Variants in STS observed in about 807,000 individuals in gnomAD.
The protein encoded by STS is steroid sulfatase, also known as steryl-sulfatase.
STS carries 7 observed loss-of-function variants against 26.8 expected under a neutral mutation model. The observed-to-expected ratio is 0.26, with a 90% CI of 0.15 to 0.49. STS has a LOEUF of 0.49. Ranked by LOEUF, STS falls within the 20% of genes least tolerant of loss-of-function variation. STS has a pLI of 0.98. For missense variants in STS, 434 were observed against 465.6 expected, an observed-to-expected ratio of 0.93 and a Z score of 0.63; for synonymous variants, 199 against 189.4, an observed-to-expected ratio of 1.05 and a Z score of -0.42.
intron 8 of STS, among the ~76,000 whole-genome samples, chrX:7,311,922 G>A (rs769246755): frequency 9.0e-6 from 1 of 111,516 alleles, no homozygotes; most frequent in East Asian, 2.8e-4. Context: ...AGCTACTCAG[G>A]AGGCTGAGGT....
intron 1 of STS, among the ~76,000 whole-genome samples, chrX:7,175,256 C>T (rs1488945923): frequency 9.4e-5 from 10 of 106,526 alleles, no homozygotes; most frequent in Non-Finnish European, 1.5e-4. Flanking sequence ...GAGACTAAGG[C>T]AGGAGGATCC....
At chrX:7,177,340 A>G (rs1933591291) in intron 1 of STS, among the ~76,000 whole-genome samples, 1 of 111,243 alleles carries the variant, frequency 9.0e-6, no homozygotes, top group Admixed American at 9.7e-5. Flanking sequence ...AAATAAAATC[A>G]TAGTTATATA....
intron 7 of STS, among the ~76,000 whole-genome samples, chrX:7,302,947 A>G (rs1345074723): frequency 9.0e-6 from 1 of 111,592 alleles, no homozygotes; most frequent in African/African-American, 3.3e-5. Flanking sequence ...CCATGTCTAG[A>G]CCAGTGACAG....
At chrX:7,172,423 T>C (rs1176198354) in intron 1 of STS, among the ~76,000 whole-genome samples, 2 of 110,875 alleles carry the variant, frequency 1.8e-5, no homozygotes, top group African/African-American at 6.5e-5. Flanking sequence ...CCACTTCTAA[T>C]TACAGTCATT....
intron 10 of STS, among the ~76,000 whole-genome samples, chrX:7,335,089 G>A (rs1927950076): frequency 8.9e-6 from 1 of 112,433 alleles, no homozygotes; most frequent in South Asian, 3.7e-4. Context: ...TGTCTTTATA[G>A]CAGCATGGTT....
chrX:7,223,607 G>GT (rs201195205), intron 2 of STS, among the ~76,000 whole-genome samples: 1,508 of 107,529 alleles, frequency 0.014, 35 homozygotes, highest in African/African-American at 0.047. Context: ...ATTTGTTTTT[G>GT]TTTTTTTTTC....
At chrX:7,275,461 A>G (rs1924483542) in intron 6 of STS, among the ~76,000 whole-genome samples, 1 of 111,664 alleles carries the variant, frequency 9.0e-6, no homozygotes, top group Admixed American at 9.5e-5. Context: ...CAAAATTTGT[A>G]TATATATTTG....
intron 1 of STS, among the ~76,000 whole-genome samples, chrX:7,183,650 A>G (rs943845801): frequency 4.5e-5 from 5 of 112,329 alleles, no homozygotes; most frequent in Non-Finnish European, 1.9e-5. Context: ...AGAATAGTCA[A>G]ATGATTCCGA....
At chrX:7,195,068 T>C (rs1933948201) in intron 2 of STS, among the ~76,000 whole-genome samples, 1 of 112,345 alleles carries the variant, frequency 8.9e-6, no homozygotes, top group African/African-American at 3.2e-5. Flanking sequence ...ACTACCATTG[T>C]ATATATGATT....
intron 9 of STS, among the ~76,000 whole-genome samples, chrX:7,332,563 T>A (rs1333849346): frequency 9.0e-6 from 1 of 110,920 alleles, no homozygotes; most frequent in African/African-American, 3.3e-5. Context: ...AAATCCTCTG[T>A]CCCTCGTCTC....
At chrX:7,291,763 A>G (rs779788714) in intron 7 of STS, among the ~76,000 whole-genome samples, 8 of 112,437 alleles carry the variant, frequency 7.1e-5, no homozygotes, top group African/African-American at 2.3e-4. Context: ...GAAAATTGTT[A>G]GTGAAAGAAC....
chrX:7,166,383 T>C (rs1252344786), intron 1 of STS, among the ~76,000 whole-genome samples: 1 of 111,397 alleles, frequency 9.0e-6, no homozygotes, highest in Non-Finnish European at 1.9e-5. Flanking sequence ...CCCATTTTTG[T>C]CGGTGGGAAA....
intron 1 of STS, among the ~76,000 whole-genome samples, chrX:7,150,740 TA>T (rs1253920959): frequency 1.8e-3 from 182 of 100,711 alleles, no homozygotes; most frequent in East Asian, 3.3e-3. Context: ...CCTCTTTGCT[TA>T]AAAAAAAAAA....
intron 10 of STS, among the ~76,000 whole-genome samples, chrX:7,338,952 G>A (rs1263631954): frequency 8.9e-6 from 1 of 111,881 alleles, no homozygotes; most frequent in Admixed American, 9.5e-5. Flanking sequence ...AAAGGAATGT[G>A]TTCCTTTCCG....
At chrX:7,155,922 G>A (rs1203761169) in intron 1 of STS, among the ~76,000 whole-genome samples, 2 of 111,787 alleles carry the variant, frequency 1.8e-5, no homozygotes, top group Non-Finnish European at 3.8e-5. Context: ...GCTGAGGCAG[G>A]TGGAATGCTT....
intron 2 of STS, among the ~76,000 whole-genome samples, chrX:7,204,109 G>A (rs1308667766): frequency 8.9e-6 from 1 of 111,805 alleles, no homozygotes; most frequent in South Asian, 3.7e-4. Context: ...CATTTGTGCT[G>A]ATGTTGCCTT....
intron 2 of STS, among the ~76,000 whole-genome samples, chrX:7,238,489 C>T (rs2147066513): frequency 9.1e-6 from 1 of 110,214 alleles, no homozygotes; most frequent in Non-Finnish European, 1.9e-5. Flanking sequence ...TTGTCCTCCC[C>T]TCCATCTCAT....
rs1371848500 is a variant in STS, at chrX:7,352,292, A to G, written c.*2031A>G. The stretch of plus-strand genomic sequence containing the variant: ...AATGCTGCAGGATTAAATAACTTGA[A>G]GAGCCTTTATAGATTATATGAATGC... On this transcript the variant is annotated 3_prime_UTR_variant, in exon 11 of 11. Coordinates refer to ENST00000674429, the MANE Select transcript of STS (RefSeq NM_001320752.2). The G allele has an allele frequency of 1.8e-5, 2 of 112,682 alleles. No homozygotes were observed. Among genetic ancestry groups the G allele is most frequent in the African/African-American group, 6.4e-5 (2 of 31,076 alleles). The allele number at this position is 112,682 out of a possible 1,213,427, so 9.3% of individuals were successfully genotyped here.
chrX:7,177,481 T>TATA (rs764705770), intron 1 of STS, among the ~76,000 whole-genome samples: 3 of 104,353 alleles, frequency 2.9e-5, no homozygotes, highest in African/African-American at 1.0e-4. Context: ...ATATATATAT[T>TATA]TTTTTTTGGA....
Sources: gnomAD v4.1 joint callset for allele counts (sites outside exome capture counted in the v4.1 genomes callset) on GRCh38, gnomAD v4.1.1 for gene constraint, MANE v1.5 for transcripts, NCBI Gene and HGNC (gene_info 2026-07-23, HGNC 2026-07-21) for gene names.